Variants in AGTPBP1 observed in about 807,000 individuals in gnomAD.
AGTPBP1 encodes cytosolic carboxypeptidase 1.
In AGTPBP1, 70 loss-of-function variants were observed where a neutral mutation model predicts 143.9. The observed-to-expected ratio is 0.49, with a 90% CI of 0.40 to 0.59. The LOEUF (loss-of-function observed/expected upper bound fraction) is 0.59. Among genes scored for constraint, AGTPBP1 ranks in the 20% least tolerant of loss-of-function variants. The probability of loss-of-function intolerance (pLI) is 0.00; values close to 1 mark genes in which losing one functional copy is unlikely to be tolerated. For missense variants in AGTPBP1, 1,229 were observed against 1,464.5 expected (o/e 0.84, Z 2.62); for synonymous variants, 463 against 500.2 (o/e 0.93, Z 0.99).
chr9:85,767,180 CTTTTTTTTTTT>C, the AGTPBP1 span, among the ~76,000 whole-genome samples: 1 of 116,456 alleles, frequency 8.6e-6, no homozygotes, highest in African/African-American at 3.7e-5. Context: ...TGAGAACATA[CTTTTTTTTTTT>C]TTTTTTTTTT....
the AGTPBP1 span, among the ~76,000 whole-genome samples, chr9:85,778,849 T>C: frequency 6.6e-6 from 1 of 152,214 alleles, no homozygotes; most frequent in African/African-American, 2.4e-5. Flanking sequence ...AGCTTCATTA[T>C]GTTCCTTGGT....
In AGTPBP1 at chr9:85,621,288, G is replaced by A. The variant is rs1487674212; in HGVS notation, c.2016-3C>T. ...CAATATCTTGAGCAATTTTTGTCCT[G>A]AAATCATAAAGGTTTAACCAAAATA... On this transcript the variant is annotated splice_polypyrimidine_tract_variant and splice_region_variant and intron_variant, in intron 14 of 25. Transcript: ENST00000357081. The A allele has an allele frequency of 7.0e-7, 1 of 1,426,058 alleles. No individual in the cohort carries two copies. The highest frequency in any genetic ancestry group is 9.2e-7 in the Non-Finnish European group (1 of 1,088,274). The allele number at this position is 1,426,058 out of a possible 1,614,324, so 88.3% of individuals were successfully genotyped here.
intron 25 of AGTPBP1, among the ~76,000 whole-genome samples, chr9:85,573,256 A>G (rs10746764): frequency 0.27 from 40,637 of 151,908 alleles, 7,784 homozygotes; most frequent in East Asian, 0.53. Flanking sequence ...GGCACGCGCC[A>G]CCACGCCTGA....
At chr9:85,605,126 A>G (rs1248101256) in intron 17 of AGTPBP1, among the ~76,000 whole-genome samples, 1 of 152,206 alleles carries the variant, frequency 6.6e-6, no homozygotes, top group Non-Finnish European at 1.5e-5. Flanking sequence ...ATCAACATTC[A>G]AGTACAAGAA....
At chr9:85,742,802 A>AT (rs759914070), upstream of AGTPBP1, among the ~76,000 whole-genome samples, 1 of 152,196 alleles carries the variant, frequency 6.6e-6, no homozygotes, top group Non-Finnish European at 1.5e-5. Flanking sequence ...TACTGACATC[A>AT]TTTACTTTTT....
At chr9:85,776,199 G>A in the AGTPBP1 span, among the ~76,000 whole-genome samples, 1 of 152,174 alleles carries the variant, frequency 6.6e-6, no homozygotes, top group South Asian at 2.1e-4. Flanking sequence ...TATGTCACAT[G>A]ATAAAGGAAA....
chr9:85,678,291 C>G (rs1355988397), intron 5 of AGTPBP1, 44 bp downstream of exon 5: 4 of 1,339,306 alleles, frequency 3.0e-6, no homozygotes, highest in Middle Eastern at 1.8e-4. Flanking sequence ...CATTGTTGAT[C>G]ACTGTTTAGA....
At chr9:85,652,757 T>C (rs964752030) in intron 11 of AGTPBP1, among the ~76,000 whole-genome samples, 1 of 152,116 alleles carries the variant, frequency 6.6e-6, no homozygotes, top group African/African-American at 2.4e-5. Context: ...CAGGAACAGG[T>C]TGTGGAAACC....
At position 85,701,767 on chromosome 9, in the gene AGTPBP1, T is replaced by A. The variant is rs565135878; in HGVS notation, c.33-8954A>T. On this transcript the variant is annotated intron_variant, in intron 2 of 25. Coordinates refer to ENST00000357081, the MANE Select transcript of AGTPBP1 (RefSeq NM_001330701.2). ...TTCTATGAGATCAACTTAGATGTAC[T>A]ACCTTTTACCTGTCTTTACCAATAG... 2.6e-5 allele frequency among the ~76,000 whole-genome samples: 4 copies of A among 152,336 alleles called. 1 individual carries two copies. Among genetic ancestry groups the A allele is most frequent in the African/African-American group, 7.2e-5 (3 of 41,576 alleles).
At chr9:85,567,499 G>A (rs1322548434) in intron 25 of AGTPBP1, among the ~76,000 whole-genome samples, 3 of 152,182 alleles carry the variant, frequency 2.0e-5, no homozygotes, top group African/African-American at 7.2e-5. Flanking sequence ...GGCTGAGGCA[G>A]AAGAATCGCT....
At chr9:85,702,163 A>T (rs1836706261) in intron 2 of AGTPBP1, among the ~76,000 whole-genome samples, 1 of 152,302 alleles carries the variant, frequency 6.6e-6, no homozygotes, top group East Asian at 1.9e-4. Flanking sequence ...CCATGCACTC[A>T]ACCAAAAGTT....
intron 2 of AGTPBP1, among the ~76,000 whole-genome samples, chr9:85,705,751 C>T (rs1369980194): frequency 6.6e-6 from 1 of 151,988 alleles, no homozygotes; most frequent in Non-Finnish European, 1.5e-5. Flanking sequence ...AGTGCAGTGG[C>T]ATGATCTCGG....
At position 85,546,917 on chromosome 9, in the gene AGTPBP1, T is replaced by C. The variant is rs1825770725; in HGVS notation, c.*192A>G. The C allele has an allele frequency of 8.3e-6, 4 of 482,690 alleles. No homozygotes were observed. The East Asian group carries it at 1.4e-4, about 17-fold the overall frequency. The allele number at this position is 482,690 out of a possible 1,614,324, so 29.9% of individuals were successfully genotyped here. ...AATGCTACATAAAGTGCATTGAATATCGAAAATAAAACAAGCGCCAATTTT... is the reference window on the plus strand; with the variant it reads ...AATGCTACATAAAGTGCATTGAATACCGAAAATAAAACAAGCGCCAATTTT... On this transcript the variant is annotated 3_prime_UTR_variant, in exon 26 of 26. Transcript: ENST00000357081.
intron 17 of AGTPBP1, among the ~76,000 whole-genome samples, chr9:85,602,214 G>A (rs1000610302): frequency 5.9e-5 from 9 of 152,036 alleles, no homozygotes; most frequent in African/African-American, 2.2e-4. Context: ...AGCTCAGTGA[G>A]ATACAAGAGA....
At chr9:85,703,066 G>A (rs1459005482) in intron 2 of AGTPBP1, among the ~76,000 whole-genome samples, 1 of 152,192 alleles carries the variant, frequency 6.6e-6, no homozygotes, top group Non-Finnish European at 1.5e-5. Flanking sequence ...TGGTCCCTAT[G>A]TGTACTTATC....
intron 23 of AGTPBP1, 144 bp downstream of exon 23, chr9:85,585,319 T>C: frequency 5.0e-6 from 4 of 802,878 alleles, no homozygotes; most frequent in Non-Finnish European, 6.9e-6. Flanking sequence ...AATATAAACA[T>C]GAAAAACTTT....
At chr9:85,795,480 A>T in the AGTPBP1 span, among the ~76,000 whole-genome samples, 8,257 of 152,270 alleles carry the variant, frequency 0.054, 731 homozygotes, top group African/African-American at 0.18. Context: ...ACAGACAAGT[A>T]AACAGGCAGT....
At chr9:85,626,153 T>C (rs2133619871) in intron 14 of AGTPBP1, among the ~76,000 whole-genome samples, 1 of 152,262 alleles carries the variant, frequency 6.6e-6, no homozygotes, top group African/African-American at 2.4e-5. Context: ...TCAGTGTGTT[T>C]GCAATACAAT....
At chr9:85,711,433 TTTTC>T (rs1421128129) in intron 2 of AGTPBP1, among the ~76,000 whole-genome samples, 4 of 151,640 alleles carry the variant, frequency 2.6e-5, no homozygotes, top group African/African-American at 7.3e-5. Flanking sequence ...ACTTTATCTT[TTTTC>T]TTTCTTTTTT....
Sources: gnomAD v4.1 joint callset for allele counts (sites outside exome capture counted in the v4.1 genomes callset) on GRCh38, gnomAD v4.1.1 for gene constraint, MANE v1.5 for transcripts, NCBI Gene and HGNC (gene_info 2026-07-23, HGNC 2026-07-21) for gene names.